The following BRCA2 variants were observed in gnomAD, a reference collection of about 807,000 sequenced individuals.
BRCA2 encodes breast cancer type 2 susceptibility protein.
Under a neutral mutation model 276.7 loss-of-function variants are expected in BRCA2, and 203 were observed. That is an observed-to-expected ratio of 0.73 (90% CI 0.65 to 0.82). The LOEUF (loss-of-function observed/expected upper bound fraction) is 0.82. Among genes scored for constraint, BRCA2 ranks in the 40% least tolerant of loss-of-function variants. BRCA2 has a pLI of 0.00. For synonymous variants in BRCA2, 1,289 were observed against 1,338.4 expected (o/e 0.96, Z 0.81); for missense variants, 3,920 against 3,915.0 (o/e 1.00, Z -0.03).
rs786202248 is a variant in BRCA2 at position 32,339,297 on chromosome 13, G to A, written c.4942G>A (p.Ala1648Thr). The A allele has an allele frequency of 6.2e-7, 1 of 1,604,430 alleles. No individual in the cohort carries two copies. Among genetic ancestry groups the A allele is most frequent in the Non-Finnish European group, 8.5e-7 (1 of 1,177,010 alleles). The change falls in exon 11 of 27, where the codon GCA becomes ACA. Residue 1648 changes from alanine (A) to threonine (T), a missense_variant. By Grantham distance (58) the Ala-to-Thr change is moderately conservative. Transcript: ENST00000380152. ...KVHENVEKET[A>T]KSPATCYTNQ... The stretch of plus-strand genomic sequence containing the variant: ...ACATGAAAATGTAGAAAAAGAAACA[G>A]CAAAAAGTCCTGCAACTTGTTACAC...
chr13:32,325,708 T>C (rs1355575117), intron 4 of BRCA2, among the ~76,000 whole-genome samples: 2 of 151,940 alleles, frequency 1.3e-5, no homozygotes, highest in Non-Finnish European at 2.9e-5. Flanking sequence ...GCCCGGCTAA[T>C]TTTTTGTATT....
chr13:32,355,103 A>C lies in BRCA2; in HGVS notation c.7250A>C (p.His2417Pro). The change falls in exon 14 of 27, where the codon CAC (histidine) becomes CCC (proline). Residue 2417 changes from histidine (H) to proline (P), a missense_variant. His to Pro is a moderately conservative substitution (Grantham distance 77, BLOSUM62 -2). Coordinates refer to ENST00000380152, the MANE Select transcript of BRCA2 (RefSeq NM_000059.4). The part of the protein sequence containing the change: ...VPPFKTKSHF[H>P]RVEQCVRNIN... ...CCTTTTAAAACTAAATCACATTTTCACAGAGTTGAACAGTGTGTTAGGAAT... is the reference window on the plus strand; with the variant it reads ...CCTTTTAAAACTAAATCACATTTTCCCAGAGTTGAACAGTGTGTTAGGAAT... 1 of 1,613,692 alleles carries C rather than the reference A, an allele frequency of 6.2e-7. No homozygotes were observed. Among genetic ancestry groups the C allele is most frequent in the Non-Finnish European group, 8.5e-7 (1 of 1,179,614 alleles).
At position 32,363,066 on chromosome 13, in the gene BRCA2, C is replaced by T. The variant is rs957961795; in HGVS notation, c.7977-113C>T. The T allele has an allele frequency of 3.3e-6, 3 of 903,454 alleles. No individual in the cohort carries two copies. The African/African-American group carries it at 5.1e-5, about 15-fold the overall frequency. 56.0% of individuals were successfully genotyped at this position (903,454 alleles called of 1,614,324 possible). On this transcript the variant is annotated intron_variant, in intron 17 of 26. Coordinates refer to ENST00000380152, the MANE Select transcript of BRCA2 (RefSeq NM_000059.4). ...TCCTAGCTACAAAATTTTTAATTCT[C>T]AGTATTTCTTAGATAAATTCAGTTT...
In BRCA2 at chr13:32,376,661, T is replaced by C. The variant is rs2137612204; in HGVS notation, c.8633-9T>C. The C allele has an allele frequency of 6.2e-7, 1 of 1,613,872 alleles. No homozygotes were observed. The highest frequency in any genetic ancestry group is 8.5e-7 in the Non-Finnish European group (1 of 1,179,818). The stretch of plus-strand genomic sequence containing the variant: ...GTTTAGTGAATTAATAATCCTTTTG[T>C]TTTCTTAGAAAACACAACAAAACCA... On this transcript the variant is annotated splice_polypyrimidine_tract_variant and intron_variant, in intron 20 of 26. Coordinates refer to ENST00000380152, the MANE Select transcript of BRCA2 (RefSeq NM_000059.4).
chr13:32,391,461 C>T (rs939749724), intron 24 of BRCA2, among the ~76,000 whole-genome samples: 11 of 152,174 alleles, frequency 7.2e-5, no homozygotes, highest in Non-Finnish European at 1.2e-4. Flanking sequence ...CAATGCCTTT[C>T]GACAGAGGGC....
intron 26 of BRCA2, 28 bp from the exon 27 acceptor site, chr13:32,398,134 A>G (rs2137662345): frequency 2.5e-6 from 4 of 1,587,748 alleles, no homozygotes; most frequent in Non-Finnish European, 3.4e-6. Context: ...CATAATTATG[A>G]TAGGCTACGT....
chr13:32,324,201 A>AG (rs1163257547), intron 3 of BRCA2, among the ~76,000 whole-genome samples: 2 of 152,160 alleles, frequency 1.3e-5, no homozygotes, highest in Non-Finnish European at 2.9e-5. Context: ...GGGAACACAT[A>AG]GGGGGGCAAA....
In BRCA2 at chr13:32,342,530, T is replaced by A. The variant is rs532022945; in HGVS notation, c.6841+1334T>A. 3.0e-4 allele frequency among the ~76,000 whole-genome samples: 45 copies of A among 152,310 alleles called. No individual in the cohort carries two copies. In the South Asian group the frequency reaches 8.9e-3, roughly 30 times the overall value. On this transcript the variant is annotated intron_variant, in intron 11 of 26. Transcript: ENST00000380152. ...TGACAGGGATATATGTTCTGAGAAA[T>A]AGATTGTTAGATTTCATCATTGTGG...
At chr13:32,351,840 C>T (rs555231414) in intron 13 of BRCA2, among the ~76,000 whole-genome samples, 5 of 152,056 alleles carry the variant, frequency 3.3e-5, no homozygotes, top group Non-Finnish European at 5.9e-5. Context: ...CTCACTCTGT[C>T]GCCCAGGCTG....
In BRCA2 at chr13:32,378,348, A is replaced by G. The variant is rs11571765; in HGVS notation, c.8755-969A>G. Among the ~76,000 whole-genome samples the G allele has an allele frequency of 0.035, 5,361 of 152,294 alleles. 182 individuals carry two copies. The highest frequency in any genetic ancestry group is 0.045 in the South Asian group (217 of 4,826). ...TAGGGTTCTAAGTGCCTATGAGTCT[A>G]TGAGATTTGACTTTATTAAAGTTAT... is the stretch of plus-strand genomic sequence containing the variant. On this transcript the variant is annotated intron_variant, in intron 21 of 26. Transcript: ENST00000380152.
At position 32,337,602 on chromosome 13, in the gene BRCA2, A is replaced by C. The variant is rs777994248; in HGVS notation, c.3247A>C (p.Asn1083His). 1 of 1,593,956 alleles carries C rather than the reference A, an allele frequency of 6.3e-7. No individual in the cohort carries two copies. The highest frequency in any genetic ancestry group is 8.5e-7 in the Non-Finnish European group (1 of 1,170,434). Residue 1083 changes from asparagine to histidine, a missense_variant, in exon 11 of 27, where the codon AAT becomes CAT. This residue lies in a region of BRCA2 where 3,263 missense variants were observed against 3,156.9 expected (regional missense o/e 1.03). Coordinates refer to ENST00000380152, the MANE Select transcript of BRCA2 (RefSeq NM_000059.4). The stretch of plus-strand genomic sequence containing the variant: ...TAGTGTAGTTGTTTCTGATTGTAAA[A>C]ATAGTCATATAACCCCTCAGATGTT... ...QSSVVVSDCK[N>H]SHITPQMLFS...
At chr13:32,316,400 A>AT in intron 1 of BRCA2, 22 bp from the exon 2 acceptor site, 2 of 1,445,660 alleles carry the variant, frequency 1.4e-6, no homozygotes, top group Non-Finnish European at 1.9e-6. Flanking sequence ...GTGTAAGTGC[A>AT]TTTTGGTCTT....
chr13:32,324,803 G>A (rs1250810060), intron 3 of BRCA2, among the ~76,000 whole-genome samples: 1 of 151,958 alleles, frequency 6.6e-6, no homozygotes, highest in African/African-American at 2.4e-5. Flanking sequence ...CTTTGTAGAG[G>A]CAGAGTCTCA....
At chr13:32,361,904 T>TA (rs1566244423) in intron 16 of BRCA2, among the ~76,000 whole-genome samples, 1 of 152,144 alleles carries the variant, frequency 6.6e-6, no homozygotes, top group Non-Finnish European at 1.5e-5. Flanking sequence ...GCGTGATTTC[T>TA]AAAAAAATCT....
chr13:32,391,923 T>G (rs1222596264), intron 24 of BRCA2, among the ~76,000 whole-genome samples: 6 of 152,238 alleles, frequency 3.9e-5, no homozygotes, highest in African/African-American at 7.2e-5. Flanking sequence ...TGTTTACTTT[T>G]TATTTTTCTG....
Position 32,337,126 on chromosome 13 carries a change from ACT to A in BRCA2, c.2774_2775del (p.Ser925TyrfsTer10), listed in dbSNP as rs397507641. 1.2e-6 allele frequency: 2 copies of A among 1,613,812 alleles called. No individual in the cohort carries two copies. Among genetic ancestry groups the A allele is most frequent in the Non-Finnish European group, 1.7e-6 (2 of 1,179,906 alleles). ...TGTGTAAACGAACCCATTTTCAAGA[ACT>A]CTACCATGGTTTTATATGGAGACAC... On this transcript the variant is annotated frameshift_variant, in exon 11 of 27. Transcript: ENST00000380152. LOFTEE classifies it high-confidence loss of function.
chr13:32,373,042 G>A (rs767751021), intron 20 of BRCA2, among the ~76,000 whole-genome samples: 34 of 150,924 alleles, frequency 2.3e-4, no homozygotes, highest in Non-Finnish European at 4.1e-4. Flanking sequence ...GTCCAGGCTA[G>A]AGTGCAGTGG....
In BRCA2 at chr13:32,326,009, A is replaced by G. The variant is rs955039504; in HGVS notation, c.426-92A>G. The G allele has an allele frequency of 4.4e-6, 5 of 1,137,958 alleles. No homozygotes were observed. In the East Asian group the frequency reaches 9.6e-5, roughly 22 times the overall value. The allele number at this position is 1,137,958 out of a possible 1,614,324, so 70.5% of individuals were successfully genotyped here. A position where few individuals can be genotyped will look rare whatever the true frequency, so the allele number is the denominator to read the frequency against. Reference sequence around the variant, plus strand: ...TCTAAAAGTAGTATTCCAACAATTTATATGAATGAGAATCTTCTTTTAAAA... The same window carrying G: ...TCTAAAAGTAGTATTCCAACAATTTGTATGAATGAGAATCTTCTTTTAAAA... On this transcript the variant is annotated intron_variant, in intron 4 of 26. Coordinates refer to ENST00000380152, the MANE Select transcript of BRCA2 (RefSeq NM_000059.4).
chr13:32,340,428 C>G lies in BRCA2; in HGVS notation c.6073C>G (p.Leu2025Val), dbSNP rs1291441180. The change falls in exon 11 of 27, where the codon CTC (leucine) becomes GTC (valine). Residue 2025 changes from leucine to valine, a missense_variant. Leu to Val is a conservative substitution (Grantham distance 32). Transcript: ENST00000380152. ...TAAAAGTAACGAACATTCAGACCAG[C>G]TCACAAGAGAAGAAAATACTGCTAT... is the stretch of plus-strand genomic sequence containing the variant. ...LFKSNEHSDQLTREENTAIRT... is the reference protein window; with the variant it reads ...LFKSNEHSDQVTREENTAIRT... 2 of 1,613,782 alleles carry G rather than the reference C, an allele frequency of 1.2e-6. No homozygotes were observed. Among genetic ancestry groups the G allele is most frequent in the Non-Finnish European group, 1.7e-6 (2 of 1,179,796 alleles).
Sources: allele counts gnomAD v4.1 joint callset (sites outside exome capture counted in the v4.1 genomes callset), GRCh38; gene constraint gnomAD v4.1.1; regional missense constraint gnomAD v4.1.1; transcripts MANE v1.5; gene names NCBI Gene and HGNC (gene_info 2026-07-23, HGNC 2026-07-21).